The following BRCA2 variants were observed in gnomAD, a reference collection of about 807,000 sequenced individuals.
BRCA2 encodes BRCA2 DNA repair associated, also known as breast cancer type 2 susceptibility protein.
A neutral mutation model predicts 276.7 loss-of-function variants in BRCA2; 203 were observed. The observed-to-expected ratio is 0.73, with a 90% confidence interval of 0.65 to 0.82. The LOEUF is 0.82. BRCA2 is among the 40% of genes least tolerant of loss of function. BRCA2 has a pLI of 0.00. For missense variants in BRCA2, 3,920 were observed against 3,915.0 expected, an observed-to-expected ratio of 1.00 and a Z score of -0.03; for synonymous variants, 1,289 against 1,338.4, an observed-to-expected ratio of 0.96 and a Z score of 0.81.
chr13:32,362,616 T>A lies in BRCA2; in HGVS notation c.7899T>A (p.Ala2633=), dbSNP rs1343640642. The part of the protein sequence containing the change: ...HYRWIIWKLA[A]MECAFPKEFA... Reference sequence around the variant, plus strand: ...GATGGATCATATGGAAACTGGCAGCTATGGAATGTGCCTTTCCTAAGGAAT... The same window carrying A: ...GATGGATCATATGGAAACTGGCAGCAATGGAATGTGCCTTTCCTAAGGAAT... The change falls in exon 17 of 27, where the codon GCT becomes GCA. Residue 2633 remains alanine (A), a synonymous_variant. Transcript: ENST00000380152. 6.2e-7 allele frequency: 1 copy of A among 1,614,208 alleles called. No homozygotes were observed. Among genetic ancestry groups the A allele is most frequent in the Non-Finnish European group, 8.5e-7 (1 of 1,180,030 alleles).
chr13:32,322,423 T>C (rs2072312260), intron 3 of BRCA2, among the ~76,000 whole-genome samples: 1 of 152,216 alleles, frequency 6.6e-6, no homozygotes, highest in Non-Finnish European at 1.5e-5. Flanking sequence ...GCATTGTTTC[T>C]ATAGATTATA....
At chr13:32,383,325 A>G (rs2072938055) in intron 24 of BRCA2, among the ~76,000 whole-genome samples, 1 of 152,152 alleles carries the variant, frequency 6.6e-6, no homozygotes, top group African/African-American at 2.4e-5. Flanking sequence ...ACACCACTGC[A>G]CTCCAGACTG....
At chr13:32,326,675 A>T (rs922563714) in intron 7 of BRCA2, 62 bp downstream of exon 7, 1 of 1,241,812 alleles carries the variant, frequency 8.1e-7, no homozygotes, top group African/African-American at 1.5e-5. Context: ...TGTCATCTCT[A>T]ATACTTCTGT....
Position 32,363,400 on chromosome 13 carries a change from A to G in BRCA2, c.8198A>G (p.Asp2733Gly), listed in dbSNP as rs1566245684. 6.2e-7 allele frequency: 1 copy of G among 1,614,100 alleles called. No homozygotes were observed. ...TGGTATGCTGTTAAGGCCCAGTTAG[A>G]TCCTCCCCTCTTAGCTGTCTTAAAG... ...DGWYAVKAQL[D>G]PPLLAVLKNG... The change falls in exon 18 of 27, where the codon GAT (aspartate) becomes GGT (glycine). Residue 2733 changes from aspartate to glycine, a missense_variant. Around this residue, in one of 2 missense-constraint regions of BRCA2, gnomAD observed 3,263 missense variants for 3,156.9 expected, o/e 1.03. Transcript: ENST00000380152.
rs786204284 is a variant in BRCA2, at chr13:32,394,904, A to G, written c.9472A>G (p.Thr3158Ala). The part of the protein sequence containing the change: ...ASPKEGHFQE[T>A]FNKMKNTVEN... ...TCCAAAAGAGGGCCACTTTCAAGAG[A>G]CATTCAACAAAATGAAAAATACTGT... Residue 3158 changes from threonine (T) to alanine (A), a missense_variant, in exon 25 of 27, where the codon ACA becomes GCA. This residue lies in a region of BRCA2 where 657 missense variants were observed against 758.2 expected (regional missense o/e 0.87). Coordinates refer to ENST00000380152, the MANE Select transcript of BRCA2 (RefSeq NM_000059.4). 3.7e-6 allele frequency: 6 copies of G among 1,613,994 alleles called. No individual in the cohort carries two copies. Among genetic ancestry groups the G allele is most frequent in the Non-Finnish European group, 5.1e-6 (6 of 1,179,984 alleles).
Position 32,340,869 on chromosome 13 carries a change from T to G in BRCA2, c.6514T>G (p.Ser2172Ala), listed in dbSNP as rs1222261194. The change falls in exon 11 of 27, where the codon TCA becomes GCA. Residue 2172 changes from serine to alanine, a missense_variant. By Grantham distance (99) the Ser-to-Ala change is moderately conservative. This residue lies in a region of BRCA2 where 3,263 missense variants were observed against 3,156.9 expected (regional missense o/e 1.03). Transcript: ENST00000380152. ...ACAGTTGGTATTAGGAACCAAAGTG[T>G]CACTTGTTGAGAACATTCATGTTTT... Reference protein sequence around the residue: ...KQQLVLGTKVSLVENIHVLGK... With the variant: ...KQQLVLGTKVALVENIHVLGK... The G allele has an allele frequency of 6.2e-7, 1 of 1,600,798 alleles. No individual in the cohort carries two copies. The highest frequency in any genetic ancestry group is 1.4e-5 in the African/African-American group (1 of 73,914).
intron 13 of BRCA2, among the ~76,000 whole-genome samples, chr13:32,352,727 A>G (rs1023948671): frequency 1.3e-5 from 2 of 152,190 alleles, no homozygotes; most frequent in East Asian, 3.8e-4. Flanking sequence ...CTGTCTTTGG[A>G]AGTTTCTAAC....
At chr13:32,335,940 A>G (rs1325160145) in intron 10 of BRCA2, among the ~76,000 whole-genome samples, 1 of 152,094 alleles carries the variant, frequency 6.6e-6, no homozygotes, top group Non-Finnish European at 1.5e-5. Flanking sequence ...GGAGTGCACT[A>G]GTGTGATCTC....
intron 24 of BRCA2, among the ~76,000 whole-genome samples, chr13:32,392,326 C>G (rs993408174): frequency 6.6e-6 from 1 of 152,182 alleles, no homozygotes; most frequent in Admixed American, 6.5e-5. Flanking sequence ...CTTTCCTAGC[C>G]TCAGTTCTAT....
At chr13:32,373,987 G>A (rs768447296) in intron 20 of BRCA2, among the ~76,000 whole-genome samples, 1 of 152,248 alleles carries the variant, frequency 6.6e-6, no homozygotes, top group African/African-American at 2.4e-5. Context: ...CTGAACTCTT[G>A]TCTTCTACAT....
chr13:32,327,595 G>T, intron 7 of BRCA2, among the ~76,000 whole-genome samples: 1 of 151,404 alleles, frequency 6.6e-6, no homozygotes, highest in South Asian at 2.1e-4. Context: ...GCATGAACCC[G>T]GGAGGCGGAT....
intron 13 of BRCA2, among the ~76,000 whole-genome samples, chr13:32,349,673 C>A (rs143663101): frequency 6.6e-6 from 1 of 151,714 alleles, no homozygotes; most frequent in Non-Finnish European, 1.5e-5. Context: ...AAAATTAGCT[C>A]GGCATGGTAG....
intron 13 of BRCA2, among the ~76,000 whole-genome samples, chr13:32,352,239 T>A (rs999304035): frequency 9.2e-5 from 14 of 152,282 alleles, no homozygotes; most frequent in South Asian, 6.2e-4. Flanking sequence ...CTTTTTTTTT[T>A]ATCAAAAACA....
Position 32,332,673 on chromosome 13 carries a change from AC to A in BRCA2, c.1198del (p.Leu400PhefsTer4), listed in dbSNP as rs869050242. 1 of 1,613,862 alleles carries A rather than the reference AC, an allele frequency of 6.2e-7. No individual in the cohort carries two copies. Among genetic ancestry groups the A allele is most frequent in the South Asian group, 1.1e-5 (1 of 91,026 alleles). On this transcript the variant is annotated frameshift_variant, in exon 10 of 27. Coordinates refer to ENST00000380152, the MANE Select transcript of BRCA2 (RefSeq NM_000059.4). LOFTEE classifies it high-confidence loss of function. Reference sequence around the variant, plus strand: ...TTTGGCCTGTGAATGGTCTCAACTAACCCTTTCAGGTCTAAATGGAGCCCAG... The same window carrying A: ...TTTGGCCTGTGAATGGTCTCAACTAACCTTTCAGGTCTAAATGGAGCCCAG... Reference protein sequence around the residue: ...PSLACEWSQLTLSGLNGAQME... With the variant: ...PSLACEWSQLXLSGLNGAQME...
At chr13:32,341,273 CA>C in intron 11 of BRCA2, 77 bp downstream of exon 11, 1 of 1,595,930 alleles carries the variant, frequency 6.3e-7, no homozygotes, top group South Asian at 1.1e-5. Flanking sequence ...GGTATGCTAA[CA>C]ATTAAGAGTG....
chr13:32,369,030 C>T (rs528095338), intron 18 of BRCA2, among the ~76,000 whole-genome samples: 3 of 151,816 alleles, frequency 2.0e-5, no homozygotes, highest in African/African-American at 7.2e-5. Context: ...GGCTGGTCTC[C>T]AACTCCTGAC....
intron 4 of BRCA2, among the ~76,000 whole-genome samples, chr13:32,325,650 C>T (rs1462994030): frequency 6.6e-6 from 1 of 151,424 alleles, no homozygotes; most frequent in African/African-American, 2.4e-5. Flanking sequence ...ACGCCATTCT[C>T]CTGCCTCAGC....
chr13:32,333,763 C>A (rs1482807686), intron 10 of BRCA2, among the ~76,000 whole-genome samples: 1 of 152,080 alleles, frequency 6.6e-6, no homozygotes, highest in Non-Finnish European at 1.5e-5. Context: ...TGCTCTCCTT[C>A]CCCCCACACA....
At chr13:32,376,144 G>A (rs1400600529) in intron 20 of BRCA2, among the ~76,000 whole-genome samples, 1 of 151,322 alleles carries the variant, frequency 6.6e-6, no homozygotes, top group Non-Finnish European at 1.5e-5. Flanking sequence ...ATATACCTAT[G>A]TTAACTCACA....
Sources: gnomAD v4.1 joint callset for allele counts (sites outside exome capture counted in the v4.1 genomes callset) on GRCh38, gnomAD v4.1.1 for gene constraint, gnomAD v4.1.1 regional missense constraint, MANE v1.5 for transcripts, NCBI Gene and HGNC (gene_info 2026-07-23, HGNC 2026-07-21) for gene names.